The following TANC1 variants were observed in gnomAD, a reference collection of about 807,000 sequenced individuals.
TANC1 encodes tetratricopeptide repeat, ankyrin repeat and coiled-coil containing 1.
TANC1 carries 77 observed loss-of-function variants against 149.7 expected under a neutral mutation model. The observed-to-expected ratio is 0.51, with a 90% confidence interval of 0.43 to 0.62. TANC1 has a LOEUF of 0.62. Ranked by LOEUF, TANC1 falls within the 20% of genes least tolerant of loss-of-function variation. TANC1 has a pLI of 0.00. For synonymous variants in TANC1, 854 were observed against 925.0 expected, an observed-to-expected ratio of 0.92 and a Z score of 1.39; for missense variants, 1,985 against 2,321.8, an observed-to-expected ratio of 0.85 and a Z score of 2.98.
chr2:159,000,374 G>A (rs1005341469), intron 1 of TANC1, among the ~76,000 whole-genome samples: 4 of 152,098 alleles, frequency 2.6e-5, no homozygotes, highest in South Asian at 2.1e-4. Flanking sequence ...TGGGAAGAAA[G>A]GGCATTTGCT....
intron 18 of TANC1, among the ~76,000 whole-genome samples, chr2:159,197,370 G>A (rs1045624804): frequency 3.3e-5 from 5 of 152,126 alleles, no homozygotes. Context: ...GTGTGTCTTG[G>A]CTTTCTTTAT....
At chr2:158,998,544 G>A (rs765878617) in intron 1 of TANC1, among the ~76,000 whole-genome samples, 6 of 152,194 alleles carry the variant, frequency 3.9e-5, no homozygotes, top group Admixed American at 6.5e-5. Flanking sequence ...GTTGAGCCTC[G>A]AGGCGTGTGG....
At chr2:159,038,960 A>G (rs1005016324) in intron 2 of TANC1, among the ~76,000 whole-genome samples, 5 of 152,034 alleles carry the variant, frequency 3.3e-5, no homozygotes, top group African/African-American at 9.7e-5. Context: ...GTAGAATTTG[A>G]CTGTGAATCC....
intron 4 of TANC1, among the ~76,000 whole-genome samples, chr2:159,131,593 A>G (rs759213474): frequency 8.7e-5 from 12 of 137,492 alleles, no homozygotes; most frequent in Non-Finnish European, 1.5e-5. Context: ...TCTGTTTCCT[A>G]CCTTCAGAGG....
Position 159,230,583 on chromosome 2 carries a change from C to T in TANC1, c.5157C>T (p.Arg1719=). Residue 1719 remains arginine, a synonymous_variant, in exon 27 of 27, where the codon CGC becomes CGT. Coordinates refer to ENST00000263635, the MANE Select transcript of TANC1 (RefSeq NM_033394.3). This position sits in a 1 kb window ranked among gnomAD's most constrained non-coding sequence, Gnocchi z 4.4. ...GCGGTACAGCTGAGCACAGACCCCG[C>T]AACACGCCGTTCATGGGCATCATGG... ...VQSGTAEHRP[R]NTPFMGIMDK... is the part of the protein sequence containing the mutation. The T allele has an allele frequency of 1.2e-6, 2 of 1,614,224 alleles. No homozygotes were observed. The highest frequency in any genetic ancestry group is 1.1e-5 in the South Asian group (1 of 91,088).
chr2:159,060,646 G>A (rs2042169840), intron 2 of TANC1, among the ~76,000 whole-genome samples: 1 of 152,238 alleles, frequency 6.6e-6, no homozygotes, highest in Admixed American at 6.5e-5. Flanking sequence ...AACAGGGTGG[G>A]TGCGAAGCCT....
chr2:159,171,412 G>T (rs13025981), intron 10 of TANC1, among the ~76,000 whole-genome samples: 91 of 152,080 alleles, frequency 6.0e-4, no homozygotes, highest in African/African-American at 2.1e-3. Flanking sequence ...TGGGAGGATC[G>T]CTTGAGCCCA....
At chr2:159,101,486 T>G (rs2046700512) in intron 4 of TANC1, among the ~76,000 whole-genome samples, 1 of 152,040 alleles carries the variant, frequency 6.6e-6, no homozygotes, top group Non-Finnish European at 1.5e-5. Context: ...TTATTTTTAT[T>G]TACTCTTCTG....
chr2:159,086,378 T>C (rs973332391), intron 3 of TANC1, among the ~76,000 whole-genome samples: 2 of 152,118 alleles, frequency 1.3e-5, no homozygotes, highest in African/African-American at 4.8e-5. Flanking sequence ...CAGAACTTCA[T>C]TGTGAGAACA....
intron 4 of TANC1, among the ~76,000 whole-genome samples, chr2:159,108,356 C>T (rs556179253): frequency 5.9e-5 from 9 of 152,294 alleles, no homozygotes; most frequent in African/African-American, 2.2e-4. Flanking sequence ...CGTTTCCCGC[C>T]GCCTGCAGTT....
intron 7 of TANC1, among the ~76,000 whole-genome samples, chr2:159,152,342 G>T (rs751387441): frequency 6.6e-6 from 1 of 152,102 alleles, no homozygotes; most frequent in Non-Finnish European, 1.5e-5. Context: ...CGGTTCTTCT[G>T]AAATTTTGTC....
At position 159,185,877 on chromosome 2, in the gene TANC1, T is replaced by A. The variant is rs2056924758; in HGVS notation, c.2597T>A (p.Ile866Asn). Reference protein sequence around the residue: ...RQQTMELGHHILKAHIFKGLS... With the variant: ...RQQTMELGHHNLKAHIFKGLS... ...CAGACCATGGAGCTTGGCCACCACA[T>A]CCTGAAGGCGCACATTTTCAAGGTG... The change falls in exon 15 of 27, where the codon ATC (isoleucine) becomes AAC (asparagine). Residue 866 changes from isoleucine to asparagine, a missense_variant. Physicochemically the swap from Ile to Asn is moderately radical, Grantham distance 149. Transcript: ENST00000263635. 1 of 1,613,748 alleles carries A rather than the reference T, an allele frequency of 6.2e-7. No individual in the cohort carries two copies. Among genetic ancestry groups the A allele is most frequent in the Non-Finnish European group, 8.5e-7 (1 of 1,179,766 alleles).
chr2:159,063,965 A>G (rs1244712779), intron 2 of TANC1, among the ~76,000 whole-genome samples: 2 of 152,152 alleles, frequency 1.3e-5, no homozygotes, highest in East Asian at 1.9e-4. Context: ...AGGTAAACAC[A>G]CGGCTCTGGA....
intron 2 of TANC1, among the ~76,000 whole-genome samples, chr2:159,032,231 A>T (rs2039839515): frequency 6.6e-6 from 1 of 152,166 alleles, no homozygotes; most frequent in South Asian, 2.1e-4. Flanking sequence ...AATGAATGGG[A>T]GAGTACTCAG....
intron 7 of TANC1, among the ~76,000 whole-genome samples, chr2:159,157,948 A>G (rs1173608300): frequency 6.6e-6 from 1 of 151,792 alleles, no homozygotes; most frequent in African/African-American, 2.4e-5. Flanking sequence ...CACTCTCTTC[A>G]GAGAGTCCTC....
chr2:159,115,045 C>T (rs1039691059), intron 4 of TANC1, among the ~76,000 whole-genome samples: 2 of 152,178 alleles, frequency 1.3e-5, no homozygotes, highest in Non-Finnish European at 2.9e-5. Context: ...TAAATAAATA[C>T]TTGGCTCTAA....
intron 8 of TANC1, among the ~76,000 whole-genome samples, chr2:159,168,210 G>A (rs867217112): frequency 1.3e-5 from 2 of 151,902 alleles, no homozygotes; most frequent in South Asian, 4.2e-4. Flanking sequence ...CTATGTACTT[G>A]CTTCTAAGAT....
intron 2 of TANC1, among the ~76,000 whole-genome samples, chr2:159,036,401 G>A (rs768150572): frequency 8.5e-5 from 13 of 152,116 alleles, no homozygotes; most frequent in Non-Finnish European, 1.8e-4. Flanking sequence ...GGGTACGTGT[G>A]CACAATGTGC....
In TANC1 at chr2:159,230,416, G is replaced by A; in HGVS notation, c.4990G>A (p.Gly1664Ser). The change falls in exon 27 of 27, where the codon GGC (glycine) becomes AGC (serine). Residue 1664 changes from glycine (G) to serine (S), a missense_variant. Gly to Ser is a moderately conservative substitution (Grantham distance 56). This residue lies in a region of TANC1 where 920 missense variants were observed against 994.7 expected (regional missense o/e 0.92). Transcript: ENST00000263635. This position sits in a 1 kb window ranked among gnomAD's most constrained non-coding sequence, Gnocchi z 4.4. ...ACACCCAGCTTCCCTCACCAGCTCA[G>A]GCTCTTCTGGTTCTCCATCCAGCAG... ...VRHPASLTSS[G>S]SSGSPSSSIK... The A allele has an allele frequency of 6.2e-7, 1 of 1,614,158 alleles. No individual in the cohort carries two copies. Among genetic ancestry groups the A allele is most frequent in the African/African-American group, 1.3e-5 (1 of 75,036 alleles).
Sources: gnomAD v4.1 joint callset for allele counts (sites outside exome capture counted in the v4.1 genomes callset) on GRCh38, gnomAD v4.1.1 for gene constraint, gnomAD v4.1.1 regional missense constraint, Gnocchi (gnomAD v3.1) non-coding constraint, MANE v1.5 for transcripts, NCBI Gene and HGNC (gene_info 2026-07-23, HGNC 2026-07-21) for gene names.